Variants in SLC35B2 observed in about 807,000 individuals in gnomAD.
SLC35B2 encodes adenosine 3'-phospho 5'-phosphosulfate transporter 1.
SLC35B2 carries 19 observed loss-of-function variants against 37.9 expected under a neutral mutation model. That is an observed-to-expected ratio of 0.50 (90% CI 0.35 to 0.74). The LOEUF is 0.74. Ranked by LOEUF, SLC35B2 falls within the 30% of genes least tolerant of loss-of-function variation. The probability of loss-of-function intolerance (pLI) is 0.01; values close to 1 mark genes in which losing one functional copy is unlikely to be tolerated. For missense variants in SLC35B2, 633 were observed against 547.6 expected (o/e 1.16, Z -1.56); for synonymous variants, 277 against 225.2 (o/e 1.23, Z -2.06).
At chr6:44,256,292 C>G in intron 3 of SLC35B2, 50 bp downstream of exon 3, 1 of 1,570,680 alleles carries the variant, frequency 6.4e-7, no homozygotes, top group Non-Finnish European at 8.6e-7. Context: ...CACAGAATCC[C>G]TGCCCACCGG....
At chr6:44,255,713 C>A (rs527943697) in intron 3 of SLC35B2, 69 bp from the exon 4 acceptor site, 29 of 1,444,984 alleles carry the variant, frequency 2.0e-5, no homozygotes, top group Non-Finnish European at 2.6e-5. Context: ...AAATTGACCT[C>A]TCTCTCTTCA....
intron 1 of SLC35B2, 192 bp from the exon 2 acceptor site, chr6:44,257,070 T>G: frequency 1.5e-6 from 1 of 661,756 alleles, no homozygotes; most frequent in Non-Finnish European, 2.4e-6. Context: ...AGGCAGAGCT[T>G]CCTCCCTCCC....
intron 1 of SLC35B2, 130 bp from the exon 2 acceptor site, chr6:44,257,008 A>T: frequency 9.7e-7 from 1 of 1,030,518 alleles, no homozygotes; most frequent in Non-Finnish European, 1.4e-6. Context: ...GCCCGGACAA[A>T]GAGCCTCTCT....
At position 44,254,238 on chromosome 6, in the gene SLC35B2, G is replaced by A. The variant is rs1317743029; in HGVS notation, c.*468C>T. 1 of 200,450 alleles carries A rather than the reference G, an allele frequency of 5.0e-6. No homozygotes were observed. Among genetic ancestry groups the A allele is most frequent in the African/African-American group, 2.4e-5 (1 of 42,118 alleles). 12.4% of individuals were successfully genotyped at this position (200,450 alleles called of 1,614,324 possible). On this transcript the variant is annotated 3_prime_UTR_variant, in exon 4 of 4. Transcript: ENST00000393812. ...CATAGGAGGTGGTGGTGCTGGGCAG[G>A]GCTCTGCATCCCCTTTCCTCAGCAC...
chr6:44,254,594 TACTG>T lies in SLC35B2; in HGVS notation c.*108_*111del. 2 of 1,228,300 alleles carry T rather than the reference TACTG, an allele frequency of 1.6e-6. No individual in the cohort carries two copies. Among genetic ancestry groups the T allele is most frequent in the Non-Finnish European group, 2.3e-6 (2 of 883,598 alleles). 76.1% of individuals were successfully genotyped at this position (1,228,300 alleles called of 1,614,324 possible). A position where few individuals can be genotyped will look rare whatever the true frequency, so the allele number is the denominator to read the frequency against. On this transcript the variant is annotated 3_prime_UTR_variant, in exon 4 of 4. Transcript: ENST00000393812. ...CCCCTGCTGCAGAGCTGGTCTGTGA[TACTG>T]AGAAAACACCTGCATTTTGCCCTTT... is the stretch of plus-strand genomic sequence containing the variant.
chr6:44,255,338 C>A lies in SLC35B2; in HGVS notation c.667G>T (p.Val223Phe). The A allele has an allele frequency of 6.2e-7, 1 of 1,614,264 alleles. No homozygotes were observed. The highest frequency in any genetic ancestry group is 8.5e-7 in the Non-Finnish European group (1 of 1,180,052). ...VLAKASKVIPVMLMGKLVSRR... is the reference protein window; with the variant it reads ...VLAKASKVIPFMLMGKLVSRR... ...GACACAAGCTTTCCCATCAGCATGA[C>A]AGGGATCACCTTAGAGGCCTTGGCC... The change falls in exon 4 of 4, where the codon GTC becomes TTC. Residue 223 changes from valine to phenylalanine, a missense_variant. Transcript: ENST00000393812.
chr6:44,257,023 C>CTT, intron 1 of SLC35B2, 145 bp from the exon 2 acceptor site: 3 of 930,782 alleles, frequency 3.2e-6, no homozygotes, highest in Non-Finnish European at 4.6e-6. Context: ...CTCTCTCTCT[C>CTT]TCTCTCTCTC....
Position 44,256,494 on chromosome 6 carries a change from T to A in SLC35B2, c.208A>T (p.Arg70Trp). The change falls in exon 3 of 4, where the codon AGG becomes TGG. Residue 70 changes from arginine (R) to tryptophan (W), a missense_variant and splice_region_variant. Physicochemically the swap from Arg to Trp is moderately radical, Grantham distance 101. Transcript: ENST00000393812. ...TTCACCAGGGGAAAGCAGAGGCCCCTACCTGAAGAAAGCACACAAAGTCAA... is the reference window on the plus strand; with the variant it reads ...TTCACCAGGGGAAAGCAGAGGCCCCAACCTGAAGAAAGCACACAAAGTCAA... ...FRRKNYLETGRGLCFPLVKAC... is the reference protein window; with the variant it reads ...FRRKNYLETGWGLCFPLVKAC... 1 of 1,614,150 alleles carries A rather than the reference T, an allele frequency of 6.2e-7. No homozygotes were observed. Among genetic ancestry groups the A allele is most frequent in the Non-Finnish European group, 8.5e-7 (1 of 1,180,008 alleles).
Position 44,256,347 on chromosome 6 carries a change from G to A in SLC35B2, c.355C>T (p.Leu119Phe). The change falls in exon 3 of 4, where the codon CTC becomes TTC. Residue 119 changes from leucine (L) to phenylalanine (F), a missense_variant. Physicochemically the swap from Leu to Phe is conservative, Grantham distance 22 (BLOSUM62 0). Transcript: ENST00000393812. ...ALKLLFCATGLQVSYLTWGVL... is the reference protein window; with the variant it reads ...ALKLLFCATGFQVSYLTWGVL... ...GGCTGAGCCCACCTACCCACCTGGA[G>A]CCCTGTGGCACAGAAGAGCAGCTTC... 6.2e-7 allele frequency: 1 copy of A among 1,609,882 alleles called. No homozygotes were observed. The highest frequency in any genetic ancestry group is 1.3e-5 in the African/African-American group (1 of 74,708).
chr6:44,257,001 C>A, intron 1 of SLC35B2, 123 bp from the exon 2 acceptor site: 3 of 1,092,972 alleles, frequency 2.7e-6, no homozygotes, highest in Admixed American at 3.2e-5. Flanking sequence ...AGCTCCGGCC[C>A]GGACAAAGAG....
In SLC35B2 at chr6:44,255,315, C is replaced by G. The variant is rs1238558190; in HGVS notation, c.690G>C (p.Val230=). 1 of 1,614,252 alleles carries G rather than the reference C, an allele frequency of 6.2e-7. No homozygotes were observed. The highest frequency in any genetic ancestry group is 8.5e-7 in the Non-Finnish European group (1 of 1,180,044). The change falls in exon 4 of 4, where the codon GTG becomes GTC. Residue 230 remains valine (V), a synonymous_variant. Transcript: ENST00000393812. ...CCCAGTGTTCGTAGCTGCGCCGAGA[C>G]ACAAGCTTTCCCATCAGCATGACAG... ...VIPVMLMGKL[V]SRRSYEHWEY...
chr6:44,255,267 G>C lies in SLC35B2; in HGVS notation c.738C>G (p.Ile246Met). 1 of 1,614,222 alleles carries C rather than the reference G, an allele frequency of 6.2e-7. No individual in the cohort carries two copies. Among genetic ancestry groups the C allele is most frequent in the Non-Finnish European group, 8.5e-7 (1 of 1,180,026 alleles). The change falls in exon 4 of 4, where the codon ATC (isoleucine) becomes ATG (methionine). Residue 246 changes from isoleucine to methionine, a missense_variant. Coordinates refer to ENST00000393812, the MANE Select transcript of SLC35B2 (RefSeq NM_178148.4). Reference sequence around the variant, plus strand: ...GCAGAAACATGCTGACCCCAATGGAGATGAGGGTGGCTGTCAGGTACTCCC... The same window carrying C: ...GCAGAAACATGCTGACCCCAATGGACATGAGGGTGGCTGTCAGGTACTCCC... ...EHWEYLTATL[I>M]SIGVSMFLLS...
intron 3 of SLC35B2, among the ~76,000 whole-genome samples, chr6:44,256,039 G>A (rs1256950901): frequency 2.7e-5 from 3 of 112,194 alleles, no homozygotes; most frequent in Admixed American, 8.3e-5. Context: ...AGTGCAGGAA[G>A]GAAGTATAAT....
In SLC35B2 at chr6:44,255,151, G is replaced by A; in HGVS notation, c.854C>T (p.Thr285Ile). The change falls in exon 4 of 4, where the codon ACC becomes ATC. Residue 285 changes from threonine to isoleucine, a missense_variant. Physicochemically the swap from Thr to Ile is moderately conservative, Grantham distance 89. Coordinates refer to ENST00000393812, the MANE Select transcript of SLC35B2 (RefSeq NM_178148.4). ...AAACAGGGCATCCTGCCAGTTTGAG[G>A]TGAAGCTGTCAAAAGCAATATAACC... The part of the protein sequence containing the change: ...LAGYIAFDSF[T>I]SNWQDALFAY... The A allele has an allele frequency of 1.2e-6, 2 of 1,614,244 alleles. No individual in the cohort carries two copies. Among genetic ancestry groups the A allele is most frequent in the Non-Finnish European group, 1.7e-6 (2 of 1,180,040 alleles).
rs767397247 is a variant in SLC35B2, at chr6:44,256,694, G to A, written c.196C>T (p.Leu66=). ...LVQYFRRKNY[L]ETGRGLCFPL... ...CCCTTTCTTCACACACCGGTCTCCAGGTAGTTCTTCCGCCTGAAGTACTGC... is the reference window on the plus strand; with the variant it reads ...CCCTTTCTTCACACACCGGTCTCCAAGTAGTTCTTCCGCCTGAAGTACTGC... The change falls in exon 2 of 4, where the codon CTG becomes TTG. Residue 66 remains leucine, a synonymous_variant. Coordinates refer to ENST00000393812, the MANE Select transcript of SLC35B2 (RefSeq NM_178148.4). The A allele has an allele frequency of 1.9e-6, 3 of 1,613,960 alleles. No individual in the cohort carries two copies. The highest frequency in any genetic ancestry group is 1.1e-5 in the South Asian group (1 of 91,084).
chr6:44,255,795 C>T (rs1781376735), intron 3 of SLC35B2, 151 bp from the exon 4 acceptor site: 2 of 751,960 alleles, frequency 2.7e-6, no homozygotes, highest in South Asian at 3.8e-5. Flanking sequence ...TTCTCCCCTC[C>T]TAAGTCTGGA....
chr6:44,257,827 T>TA (rs1561912023), upstream of SLC35B2: 3 of 152,824 alleles, frequency 2.0e-5, no homozygotes, highest in Admixed American at 6.5e-5. Context: ...TCCTCTGTGT[T>TA]AGTTTCCCCG....
rs1236716438 is a variant in SLC35B2 at position 44,255,650 on chromosome 6, G to T, written c.361-6C>A. ...CCCCAAGTCAGATAAGACACCTGTTGGGGAAGGTAGAGACAAAGGAGACAA... is the reference window on the plus strand; with the variant it reads ...CCCCAAGTCAGATAAGACACCTGTTTGGGAAGGTAGAGACAAAGGAGACAA... On this transcript the variant is annotated splice_region_variant and splice_polypyrimidine_tract_variant and intron_variant, in intron 3 of 3. Coordinates refer to ENST00000393812, the MANE Select transcript of SLC35B2 (RefSeq NM_178148.4). 5.6e-6 allele frequency: 9 copies of T among 1,606,160 alleles called. No homozygotes were observed. Among genetic ancestry groups the T allele is most frequent in the Non-Finnish European group, 7.7e-6 (9 of 1,175,610 alleles).
Position 44,254,622 on chromosome 6 carries a change from T to A in SLC35B2, c.*84A>T, listed in dbSNP as rs1319075451. On this transcript the variant is annotated 3_prime_UTR_variant, in exon 4 of 4. Coordinates refer to ENST00000393812, the MANE Select transcript of SLC35B2 (RefSeq NM_178148.4). The stretch of plus-strand genomic sequence containing the variant: ...TGAGAAAACACCTGCATTTTGCCCT[T>A]TCAGCCAGCTCCCTCAGAGGTTACA... 1 of 1,466,824 alleles carries A rather than the reference T, an allele frequency of 6.8e-7. No homozygotes were observed. The highest frequency in any genetic ancestry group is 9.2e-7 in the Non-Finnish European group (1 of 1,090,782). 90.9% of individuals were successfully genotyped at this position (1,466,824 alleles called of 1,614,324 possible).
Sources: gnomAD v4.1 joint callset for allele counts (sites outside exome capture counted in the v4.1 genomes callset) on GRCh38, gnomAD v4.1.1 for gene constraint, MANE v1.5 for transcripts, NCBI Gene and HGNC (gene_info 2026-07-23, HGNC 2026-07-21) for gene names.